Variants in PMEPA1 observed in about 807,000 individuals in gnomAD.
PMEPA1 encodes prostate transmembrane protein, androgen induced 1, also known as protein TMEPAI.
A neutral mutation model predicts 23.0 loss-of-function variants in PMEPA1; 11 were observed. The ratio of observed to expected loss-of-function variants is 0.48; its 90% CI spans 0.30 to 0.79. PMEPA1 has a LOEUF of 0.79. PMEPA1 is among the 30% of genes least tolerant of loss of function. The probability of loss-of-function intolerance (pLI) is 0.06; values close to 1 mark genes in which losing one functional copy is unlikely to be tolerated. For synonymous variants in PMEPA1, 204 were observed against 166.4 expected (o/e 1.23, Z -1.74); for missense variants, 377 against 390.9 (o/e 0.96, Z 0.30).
intron 1 of PMEPA1, among the ~76,000 whole-genome samples, chr20:57,689,411 G>A (rs1014642402): frequency 1.3e-5 from 2 of 152,300 alleles, no homozygotes; most frequent in African/African-American, 2.4e-5. Context: ...CAGAAAGGTC[G>A]GCTGGGGAGT....
intron 1 of PMEPA1, among the ~76,000 whole-genome samples, chr20:57,674,384 T>C (rs2071608744): frequency 6.6e-6 from 1 of 152,228 alleles, no homozygotes; most frequent in Non-Finnish European, 1.5e-5. Flanking sequence ...CCCCTTGATC[T>C]TGGACTTCCC....
intron 1 of PMEPA1, among the ~76,000 whole-genome samples, chr20:57,660,949 AAC>A (rs1342352612): frequency 6.6e-6 from 1 of 151,956 alleles, no homozygotes; most frequent in African/African-American, 2.4e-5. Flanking sequence ...AACAGACACA[AAC>A]ACACACAGAC....
In PMEPA1 at chr20:57,652,658, C is replaced by T. The variant is rs561147027; in HGVS notation, c.319-60G>A. 87 of 1,325,148 alleles carry T rather than the reference C, an allele frequency of 6.6e-5. No homozygotes were observed. Among genetic ancestry groups the T allele is most frequent in the Middle Eastern group, 5.2e-4 (2 of 3,814 alleles). The allele number at this position is 1,325,148 out of a possible 1,614,324, so 82.1% of individuals were successfully genotyped here. A position where few individuals can be genotyped will look rare whatever the true frequency, so the allele number is the denominator to read the frequency against. ...CTGTCTCAGGTGGGTTGTCCAGAAG[C>T]GATCCTGAGACTGGAGTTCTGCTGC... On this transcript the variant is annotated intron_variant, in intron 3 of 3. Transcript: ENST00000341744. This position sits in a 1 kb window ranked among gnomAD's most constrained non-coding sequence, Gnocchi z 6.1.
chr20:57,676,269 G>C (rs1347842226), intron 1 of PMEPA1, among the ~76,000 whole-genome samples: 1 of 152,208 alleles, frequency 6.6e-6, no homozygotes, highest in Non-Finnish European at 1.5e-5. Flanking sequence ...AGTAAGGCAC[G>C]AATCAACAAC....
Position 57,709,699 on chromosome 20 carries a change from G to A in PMEPA1, c.-117C>T. ...AGGAGGCGCGCGGCGGGGGAGGCGCGCCCCGGCTCGCCGGGCTCGGGTCGC... is the reference window on the plus strand; with the variant it reads ...AGGAGGCGCGCGGCGGGGGAGGCGCACCCCGGCTCGCCGGGCTCGGGTCGC... On this transcript the variant is annotated 5_prime_UTR_variant, in exon 1 of 4. Coordinates refer to ENST00000341744, the MANE Select transcript of PMEPA1 (RefSeq NM_020182.5). 2 of 977,690 alleles carry A rather than the reference G, an allele frequency of 2.0e-6. No homozygotes were observed. Among genetic ancestry groups the A allele is most frequent in the Non-Finnish European group, 1.2e-6 (1 of 826,730 alleles). The allele number at this position is 977,690 out of a possible 1,614,324, so 60.6% of individuals were successfully genotyped here.
chr20:57,665,507 CAA>C (rs77601752), intron 1 of PMEPA1, among the ~76,000 whole-genome samples: 38 of 85,970 alleles, frequency 4.4e-4, no homozygotes, highest in Admixed American at 6.7e-4. Flanking sequence ...CCTCATCTGT[CAA>C]AAAAAAAAAA....
chr20:57,688,425 A>AGAG (rs2071830862), intron 1 of PMEPA1, among the ~76,000 whole-genome samples: 1 of 152,096 alleles, frequency 6.6e-6, no homozygotes, highest in Admixed American at 6.5e-5. Flanking sequence ...CCTACGGGGT[A>AGAG]GGCACTTCCT....
At chr20:57,702,266 ATCAAG>A (rs1289862574) in intron 1 of PMEPA1, among the ~76,000 whole-genome samples, 1 of 152,104 alleles carries the variant, frequency 6.6e-6, no homozygotes, top group Non-Finnish European at 1.5e-5. Flanking sequence ...GATGTCCCCT[ATCAAG>A]TCTACATTTG....
chr20:57,703,899 C>T (rs1052990749), intron 1 of PMEPA1, among the ~76,000 whole-genome samples: 6 of 152,150 alleles, frequency 3.9e-5, no homozygotes, highest in African/African-American at 1.4e-4. Flanking sequence ...CTCTCTGCAC[C>T]CTCAGCACAG....
intron 1 of PMEPA1, among the ~76,000 whole-genome samples, chr20:57,675,712 C>T (rs534311601): frequency 6.6e-6 from 1 of 152,322 alleles, no homozygotes; most frequent in East Asian, 1.9e-4. Context: ...AGAGAGGGGG[C>T]TCCAGGGCAG....
At chr20:57,658,057 C>T (rs1011239077) in intron 2 of PMEPA1, among the ~76,000 whole-genome samples, 2 of 152,234 alleles carry the variant, frequency 1.3e-5, no homozygotes, top group African/African-American at 4.8e-5. Context: ...CCCTTTGGTC[C>T]ACCTGCTGAA....
intron 1 of PMEPA1, among the ~76,000 whole-genome samples, chr20:57,689,243 C>T (rs1254666596): frequency 6.6e-6 from 1 of 152,180 alleles, no homozygotes; most frequent in African/African-American, 2.4e-5. Context: ...CACCCACTAC[C>T]CACCCCCTCT....
chr20:57,656,667 C>T lies in PMEPA1; in HGVS notation c.264+2876G>A, dbSNP rs60088528. On this transcript the variant is annotated intron_variant, in intron 2 of 3. Coordinates refer to ENST00000341744, the MANE Select transcript of PMEPA1 (RefSeq NM_020182.5). This position sits in a 1 kb window ranked among gnomAD's most constrained non-coding sequence, Gnocchi z 4.7. ...GGGCAGATCCTTGCCCAGTGTCACACAACAAGGAGGTGACAAGGCCGAGAA... is the reference window on the plus strand; with the variant it reads ...GGGCAGATCCTTGCCCAGTGTCACATAACAAGGAGGTGACAAGGCCGAGAA... Among the ~76,000 whole-genome samples the T allele has an allele frequency of 6.6e-6, 1 of 152,162 alleles. No individual in the cohort carries two copies. Among genetic ancestry groups the T allele is most frequent in the African/African-American group, 2.4e-5 (1 of 41,448 alleles).
chr20:57,708,918 C>A (rs2072124460), intron 1 of PMEPA1, among the ~76,000 whole-genome samples: 1 of 152,034 alleles, frequency 6.6e-6, no homozygotes, highest in African/African-American at 2.4e-5. Context: ...CGACTCAGAC[C>A]CCCAGACACC....
rs368651771 is a variant in PMEPA1 at position 57,683,409 on chromosome 20, G to A, written c.110-23712C>T. On this transcript the variant is annotated intron_variant, in intron 1 of 3. Transcript: ENST00000341744. This position sits in a 1 kb window ranked among gnomAD's most constrained non-coding sequence, Gnocchi z 4.3. ...GGAAAGACCCAATTACAGCGCAGAC[G>A]CATCTGCCAGCCTGAGGATCCAATA... Among the ~76,000 whole-genome samples, 73 of 152,228 alleles carry A rather than the reference G, an allele frequency of 4.8e-4. No homozygotes were observed. Among genetic ancestry groups the A allele is most frequent in the Non-Finnish European group, 8.2e-4 (56 of 68,018 alleles).
chr20:57,652,199 G>A lies in PMEPA1; in HGVS notation c.718C>T (p.Pro240Ser). The change falls in exon 4 of 4, where the codon CCG becomes TCG. Residue 240 changes from proline (P) to serine (S), a missense_variant. By Grantham distance (74) the Pro-to-Ser change is moderately conservative. This residue lies in a region of PMEPA1 where 176 missense variants were observed against 173.0 expected (regional missense o/e 1.02). Coordinates refer to ENST00000341744, the MANE Select transcript of PMEPA1 (RefSeq NM_020182.5). This position sits in a 1 kb window ranked among gnomAD's most constrained non-coding sequence, Gnocchi z 6.1. ...TGCTGGTGCTGGAAGGAGGACCCCG[G>A]GTAGTGGCCGATGACCTCGCTGTAG... The part of the protein sequence containing the change: ...PTYSEVIGHY[P>S]GSSFQHQQSS... The A allele has an allele frequency of 6.2e-7, 1 of 1,609,808 alleles. No individual in the cohort carries two copies. The highest frequency in any genetic ancestry group is 8.5e-7 in the Non-Finnish European group (1 of 1,179,180).
At chr20:57,664,751 G>C (rs1299477826) in intron 1 of PMEPA1, among the ~76,000 whole-genome samples, 1 of 152,210 alleles carries the variant, frequency 6.6e-6, no homozygotes, top group East Asian at 1.9e-4. Context: ...GGACCCTGGA[G>C]CCGGCTGTGA....
chr20:57,671,376 T>C (rs1392402810), intron 1 of PMEPA1, among the ~76,000 whole-genome samples: 1 of 151,970 alleles, frequency 6.6e-6, no homozygotes, highest in East Asian at 1.9e-4. Context: ...GGTGAGTGAG[T>C]CCGTGGTGGT....
At chr20:57,707,301 C>A (rs1293053746) in intron 1 of PMEPA1, among the ~76,000 whole-genome samples, 1 of 152,220 alleles carries the variant, frequency 6.6e-6, no homozygotes, top group Non-Finnish European at 1.5e-5. Context: ...GGCCTTACCA[C>A]TTCCTCACCC....
Sources: allele counts gnomAD v4.1 joint callset (sites outside exome capture counted in the v4.1 genomes callset), GRCh38; gene constraint gnomAD v4.1.1; regional missense constraint gnomAD v4.1.1; non-coding constraint Gnocchi (gnomAD v3.1); transcripts MANE v1.5; gene names NCBI Gene and HGNC (gene_info 2026-07-23, HGNC 2026-07-21).